The following CSMD1 variants were observed in gnomAD, a reference collection of about 807,000 sequenced individuals.
CSMD1 encodes CUB and sushi domain-containing protein 1.
A neutral mutation model predicts 417.5 loss-of-function variants in CSMD1; 213 were observed. That is an observed-to-expected ratio of 0.51 (90% CI 0.46 to 0.57). The LOEUF (loss-of-function observed/expected upper bound fraction) is 0.57, where lower values mean the gene tolerates loss of function less well. Among genes scored for constraint, CSMD1 ranks in the 20% least tolerant of loss-of-function variants. CSMD1 has a pLI of 0.00. For missense variants in CSMD1, 6,923 were observed against 4,529.7 expected (o/e 1.53, Z -15.17); for synonymous variants, 2,862 against 1,736.8 (o/e 1.65, Z -16.11).
intron 26 of CSMD1, among the ~76,000 whole-genome samples, chr8:3,254,053 C>G (rs1447642350): frequency 1.3e-5 from 2 of 152,098 alleles, no homozygotes; most frequent in Non-Finnish European, 2.9e-5. Flanking sequence ...TTCAGGAGCT[C>G]TTGTAGGGCA....
At chr8:4,679,930 T>A (rs747954413) in intron 1 of CSMD1, among the ~76,000 whole-genome samples, 1 of 152,184 alleles carries the variant, frequency 6.6e-6, no homozygotes, top group Non-Finnish European at 1.5e-5. Context: ...CCAAATTAAT[T>A]GCAAGTTTTT....
At chr8:4,379,237 A>C (rs1042062166) in intron 3 of CSMD1, among the ~76,000 whole-genome samples, 3 of 152,190 alleles carry the variant, frequency 2.0e-5, no homozygotes, top group Admixed American at 6.5e-5. Context: ...AATATCAGAA[A>C]GCCTCAACAT....
At chr8:3,575,471 G>A (rs558191606) in intron 9 of CSMD1, among the ~76,000 whole-genome samples, 44 of 152,240 alleles carry the variant, frequency 2.9e-4, no homozygotes, top group Admixed American at 2.0e-4. Flanking sequence ...AAGATAGAGG[G>A]AAAGGCACCG....
At chr8:3,359,982 T>C (rs1018435697) in intron 20 of CSMD1, among the ~76,000 whole-genome samples, 4 of 152,230 alleles carry the variant, frequency 2.6e-5, no homozygotes, top group African/African-American at 9.6e-5. Context: ...ATATTTCTAA[T>C]TGCTTAAATT....
chr8:4,804,558 T>G (rs937632591), intron 1 of CSMD1, among the ~76,000 whole-genome samples: 4 of 148,724 alleles, frequency 2.7e-5, no homozygotes, highest in African/African-American at 9.9e-5. Flanking sequence ...GGAGGAACAC[T>G]GGGAGGGAGG....
At chr8:4,237,355 T>C (rs985278087) in intron 3 of CSMD1, among the ~76,000 whole-genome samples, 4 of 152,020 alleles carry the variant, frequency 2.6e-5, no homozygotes, top group Admixed American at 2.6e-4. Context: ...ACAGAAAACA[T>C]TATTTCTGAG....
chr8:4,174,520 C>A (rs139430523), intron 3 of CSMD1, among the ~76,000 whole-genome samples: 1 of 150,836 alleles, frequency 6.6e-6, no homozygotes, highest in South Asian at 2.1e-4. Context: ...TAATAAATGA[C>A]CCCCATGTCC....
At chr8:4,312,027 A>G (rs536125240) in intron 3 of CSMD1, among the ~76,000 whole-genome samples, 3 of 152,190 alleles carry the variant, frequency 2.0e-5, no homozygotes, top group Admixed American at 6.5e-5. Flanking sequence ...AAATTATTAT[A>G]GTGTGTTGAA....
intron 6 of CSMD1, among the ~76,000 whole-genome samples, chr8:3,723,410 T>A (rs543209073): frequency 6.6e-6 from 1 of 152,254 alleles, no homozygotes; most frequent in East Asian, 1.9e-4. Flanking sequence ...AGAGAACACA[T>A]CATATTCACT....
intron 40 of CSMD1, among the ~76,000 whole-genome samples, chr8:3,149,716 T>C (rs1819076223): frequency 6.6e-6 from 1 of 152,120 alleles, no homozygotes; most frequent in Non-Finnish European, 1.5e-5. Context: ...GACCTTGCGA[T>C]CCACCGGCCT....
At chr8:3,766,686 T>C (rs1045542643) in intron 5 of CSMD1, among the ~76,000 whole-genome samples, 1 of 151,920 alleles carries the variant, frequency 6.6e-6, no homozygotes, top group African/African-American at 2.4e-5. Flanking sequence ...AAAAAAAACA[T>C]GGTAACAATT....
At chr8:3,871,091 T>A (rs7821201) in intron 5 of CSMD1, among the ~76,000 whole-genome samples, 1 of 152,040 alleles carries the variant, frequency 6.6e-6, no homozygotes, top group African/African-American at 2.4e-5. Context: ...TATTTAACAA[T>A]TGTCCTATTA....
intron 52 of CSMD1, among the ~76,000 whole-genome samples, chr8:3,016,485 T>C (rs968107125): frequency 1.3e-5 from 2 of 152,240 alleles, no homozygotes; most frequent in African/African-American, 4.8e-5. Context: ...ATATGCTTCA[T>C]TACCATGCTT....
Position 3,708,405 on chromosome 8 carries a change from G to C in CSMD1, c.1009+9C>G. On this transcript the variant is annotated intron_variant, in intron 7 of 69. Coordinates refer to ENST00000635120, the MANE Select transcript of CSMD1 (RefSeq NM_033225.6). ...TATCAATCCTCAGATAGAAAGGAAAGGGACTCACAGACAGAGTTTTTATGG... is the reference window on the plus strand; with the variant it reads ...TATCAATCCTCAGATAGAAAGGAAACGGACTCACAGACAGAGTTTTTATGG... The C allele has an allele frequency of 4.3e-6, 7 of 1,612,398 alleles. No individual in the cohort carries two copies. Among genetic ancestry groups the C allele is most frequent in the Non-Finnish European group, 5.9e-6 (7 of 1,178,436 alleles).
At chr8:4,395,671 G>T (rs920665779) in intron 3 of CSMD1, among the ~76,000 whole-genome samples, 1 of 152,048 alleles carries the variant, frequency 6.6e-6, no homozygotes, top group Non-Finnish European at 1.5e-5. Flanking sequence ...TGTTCCAAAA[G>T]CTAGGGAGAC....
intron 5 of CSMD1, among the ~76,000 whole-genome samples, chr8:3,774,452 G>T (rs765705481): frequency 2.0e-5 from 3 of 152,118 alleles, no homozygotes; most frequent in Non-Finnish European, 4.4e-5. Flanking sequence ...GCTGCCTAAT[G>T]TGTGCTTTGT....
At chr8:4,408,466 T>C (rs1177755432) in intron 3 of CSMD1, among the ~76,000 whole-genome samples, 2 of 152,232 alleles carry the variant, frequency 1.3e-5, no homozygotes, top group Non-Finnish European at 2.9e-5. Context: ...GCATGAATTA[T>C]TGACTGTTTT....
chr8:3,651,345 C>A (rs73181162), intron 7 of CSMD1, among the ~76,000 whole-genome samples: 2 of 152,126 alleles, frequency 1.3e-5, no homozygotes, highest in Non-Finnish European at 2.9e-5. Flanking sequence ...TCCCCACCCC[C>A]ACACACTTCA....
intron 3 of CSMD1, among the ~76,000 whole-genome samples, chr8:4,064,429 G>A (rs534812860): frequency 1.9e-4 from 29 of 152,254 alleles, no homozygotes; most frequent in African/African-American, 7.0e-4. Context: ...AAGCTTCTGC[G>A]GGCTTTGCCC....
Sources: gnomAD v4.1 joint callset for allele counts (sites outside exome capture counted in the v4.1 genomes callset) on GRCh38, gnomAD v4.1.1 for gene constraint, MANE v1.5 for transcripts, NCBI Gene and HGNC (gene_info 2026-07-23, HGNC 2026-07-21) for gene names.